The following AMPD3 variants were observed in gnomAD, a reference collection of about 807,000 sequenced individuals.
AMPD3 encodes AMP deaminase 3.
Under a neutral mutation model 82.3 loss-of-function variants are expected in AMPD3, and 57 were observed. The observed-to-expected ratio is 0.69, with a 90% confidence interval of 0.56 to 0.86. AMPD3 has a LOEUF of 0.86. Ranked by LOEUF, AMPD3 falls within the 40% of genes least tolerant of loss-of-function variation. The probability of loss-of-function intolerance (pLI) is 0.00; values close to 1 mark genes in which losing one functional copy is unlikely to be tolerated. For synonymous variants in AMPD3, 381 were observed against 394.7 expected, an observed-to-expected ratio of 0.97 and a Z score of 0.41; for missense variants, 870 against 1,003.8, an observed-to-expected ratio of 0.87 and a Z score of 1.80.
rs747764407 is a variant in AMPD3 at position 10,482,158 on chromosome 11, G to A, written c.522G>A (p.Pro174=). ...CGCGGCTCGCCTACCACCGCTTCCC[G>A]CGGATCACATCCCAGTACCTGGGTC... ...KYARLAYHRF[P]RITSQYLGHP... The change falls in exon 4 of 15, where the codon CCG becomes CCA. Residue 174 remains proline (P), a synonymous_variant. Coordinates refer to ENST00000396553, the MANE Select transcript of AMPD3 (RefSeq NM_001025389.2). 39 of 1,613,824 alleles carry A rather than the reference G, an allele frequency of 2.4e-5. No individual in the cohort carries two copies. The highest frequency in any genetic ancestry group is 3.1e-5 in the Non-Finnish European group (36 of 1,180,030).
chr11:10,455,833 T>C (rs1420501184), intron 1 of AMPD3: 38 of 914,984 alleles, frequency 4.2e-5, no homozygotes, highest in East Asian at 1.2e-4. Context: ...TTAGGGGGGC[T>C]TTCTGAGAAG....
intron 4 of AMPD3, chr11:10,484,387 G>A: frequency 1.0e-6 from 1 of 985,380 alleles, no homozygotes; most frequent in Non-Finnish European, 1.2e-6. Flanking sequence ...TTCCCACTGG[G>A]CAGTCCAGGT....
chr11:10,469,555 T>G (rs2133850494), intron 2 of AMPD3, among the ~76,000 whole-genome samples: 1 of 152,292 alleles, frequency 6.6e-6, no homozygotes, highest in Middle Eastern at 3.4e-3. Context: ...ACAGCCAAAT[T>G]CTACCAGAGG....
At chr11:10,475,917 A>G (rs1367398324) in intron 2 of AMPD3, among the ~76,000 whole-genome samples, 1 of 152,150 alleles carries the variant, frequency 6.6e-6, no homozygotes, top group Non-Finnish European at 1.5e-5. Flanking sequence ...TTGGAAGTGA[A>G]TTCCTTCCCA....
intron 10 of AMPD3, 112 bp from the exon 11 acceptor site, chr11:10,499,974 A>G (rs2133937643): frequency 6.5e-7 from 1 of 1,547,916 alleles, no homozygotes; most frequent in African/African-American, 1.4e-5. Flanking sequence ...TGAGGTGTGA[A>G]CCTGAGGGGC....
rs529360394 is a variant in AMPD3 at position 10,506,729 on chromosome 11, A to G, written c.*845A>G. The G allele has an allele frequency of 1.5e-4, 23 of 152,410 alleles. No individual in the cohort carries two copies. The highest frequency in any genetic ancestry group is 5.3e-4 in the African/African-American group (22 of 41,582). 9.4% of individuals were successfully genotyped at this position (152,410 alleles called of 1,614,324 possible). On this transcript the variant is annotated 3_prime_UTR_variant, in exon 15 of 15. Coordinates refer to ENST00000396553, the MANE Select transcript of AMPD3 (RefSeq NM_001025389.2). This position sits in a 1 kb window ranked among gnomAD's most constrained non-coding sequence, Gnocchi z 4.1. ...GATCTCTGTTCCTTTTGGCTCTAAT[A>G]TGCTACAACTGTAGGCCAATTATCA...
In AMPD3 at chr11:10,500,236, A is replaced by T. The variant is rs1849538041; in HGVS notation, c.1708A>T (p.Asn570Tyr). 2 of 1,614,178 alleles carry T rather than the reference A, an allele frequency of 1.2e-6. No individual in the cohort carries two copies. The highest frequency in any genetic ancestry group is 2.7e-5 in the African/African-American group (2 of 75,062). ...CATGTATGCCAACATCATGGTGCTC[A>T]ACAACCTCCGCAGGTGCGTGAGGCC... The part of the protein sequence containing the change: ...YYMYANIMVL[N>Y]NLRRERGLST... The change falls in exon 11 of 15, where the codon AAC becomes TAC. Residue 570 changes from asparagine (N) to tyrosine (Y), a missense_variant. Physicochemically the swap from Asn to Tyr is moderately radical, Grantham distance 143 (BLOSUM62 -2). Transcript: ENST00000396553.
intron 9 of AMPD3, 131 bp downstream of exon 9, chr11:10,495,864 G>T (rs1849382777): frequency 8.3e-7 from 1 of 1,206,638 alleles, no homozygotes; most frequent in Non-Finnish European, 1.2e-6. Context: ...CCTTTCCAGG[G>T]ATTTTTCCAT....
intron 2 of AMPD3, among the ~76,000 whole-genome samples, chr11:10,464,018 G>A (rs1045372025): frequency 4.6e-5 from 7 of 152,110 alleles, no homozygotes; most frequent in Admixed American, 4.6e-4. Flanking sequence ...CTGTGACTTT[G>A]GGGAAATTAG....
chr11:10,484,745 G>A, intron 4 of AMPD3, 75 bp from the exon 5 acceptor site: 2 of 1,552,474 alleles, frequency 1.3e-6, no homozygotes, highest in African/African-American at 1.4e-5. Context: ...GCCAGCGCAG[G>A]CCTCCGTGTC....
At chr11:10,488,010 GA>G (rs200645626) in intron 6 of AMPD3, among the ~76,000 whole-genome samples, 2,155 of 143,344 alleles carry the variant, frequency 0.015, 39 homozygotes, top group East Asian at 0.042. Flanking sequence ...TAAATTCCCT[GA>G]AAAAAAAAAA....
At chr11:10,461,494 T>A in intron 1 of AMPD3, 21 bp from the exon 2 acceptor site, 1 of 1,614,152 alleles carries the variant, frequency 6.2e-7, no homozygotes, top group Non-Finnish European at 8.5e-7. Context: ...CTGCAATTCA[T>A]GCTTGTTCTT....
Position 10,500,098 on chromosome 11 carries a change from G to A in AMPD3, c.1570G>A (p.Asp524Asn). Residue 524 changes from aspartate (D) to asparagine (N), a missense_variant, in exon 11 of 15, where the codon GAC becomes AAC. Transcript: ENST00000396553. ...CTCTCCTGCCCAGGTGACGGGGTTTGACAGCGTGGATGATGAGTCCAAGCA... is the reference window on the plus strand; with the variant it reads ...CTCTCCTGCCCAGGTGACGGGGTTTAACAGCGTGGATGATGAGTCCAAGCA... ...HLFLKYVTGF[D>N]SVDDESKHSD... 3 of 1,614,166 alleles carry A rather than the reference G, an allele frequency of 1.9e-6. No homozygotes were observed. The highest frequency in any genetic ancestry group is 2.5e-6 in the Non-Finnish European group (3 of 1,180,026).
intron 2 of AMPD3, chr11:10,478,147 A>G (rs1177206168): frequency 1.0e-6 from 1 of 985,286 alleles, no homozygotes; most frequent in Non-Finnish European, 1.2e-6. Context: ...CATGCTGTCC[A>G]CACTGTGGGG....
At chr11:10,470,377 T>C (rs1490958251) in intron 2 of AMPD3, among the ~76,000 whole-genome samples, 2 of 152,168 alleles carry the variant, frequency 1.3e-5, no homozygotes, top group South Asian at 2.1e-4. Flanking sequence ...GGGCAAAAAC[T>C]GGAAGCATTC....
intron 2 of AMPD3, chr11:10,473,455 A>C (rs1162051191): frequency 2.0e-6 from 2 of 984,952 alleles, no homozygotes; most frequent in African/African-American, 3.5e-5. Context: ...GTAGGCCAGG[A>C]GGGGTTGTGG....
At chr11:10,489,045 G>T (rs1049339721) in intron 6 of AMPD3, among the ~76,000 whole-genome samples, 1 of 152,204 alleles carries the variant, frequency 6.6e-6, no homozygotes, top group Non-Finnish European at 1.5e-5. Flanking sequence ...CATGTGCCCT[G>T]AGAGGCTTAC....
intron 2 of AMPD3, among the ~76,000 whole-genome samples, chr11:10,475,544 G>A (rs906093879): frequency 3.3e-5 from 5 of 152,094 alleles, no homozygotes; most frequent in Non-Finnish European, 7.4e-5. Context: ...TTTCTAAAAC[G>A]GCCCCTGCAG....
rs563519897 is a variant in AMPD3 at position 10,481,658 on chromosome 11, T to C, written c.427-405T>C. 5.8e-4 allele frequency: 171 copies of C among 294,732 alleles called. 1 individual carries two copies. Among genetic ancestry groups the C allele is most frequent in the Admixed American group, 3.1e-3 (48 of 15,460 alleles). 18.3% of individuals were successfully genotyped at this position (294,732 alleles called of 1,614,324 possible). On this transcript the variant is annotated intron_variant, in intron 3 of 14. Coordinates refer to ENST00000396553, the MANE Select transcript of AMPD3 (RefSeq NM_001025389.2). The stretch of plus-strand genomic sequence containing the variant: ...AGCAAAGGGAGCGATACATGGAGGA[T>C]ACGAGGTGCAAGCTTCCAAGGTCCT...
Sources: gnomAD v4.1 joint callset for allele counts (sites outside exome capture counted in the v4.1 genomes callset) on GRCh38, gnomAD v4.1.1 for gene constraint, Gnocchi (gnomAD v3.1) non-coding constraint, MANE v1.5 for transcripts, NCBI Gene and HGNC (gene_info 2026-07-23, HGNC 2026-07-21) for gene names.